The following SLC6A5 variants were observed in gnomAD, a reference collection of about 807,000 sequenced individuals.
The protein encoded by SLC6A5 is solute carrier family 6 member 5, also known as sodium- and chloride-dependent glycine transporter 2.
A neutral mutation model predicts 90.5 loss-of-function variants in SLC6A5; 58 were observed. The ratio of observed to expected loss-of-function variants is 0.64; its 90% CI spans 0.52 to 0.80. The LOEUF (loss-of-function observed/expected upper bound fraction) is 0.80. Ranked by LOEUF, SLC6A5 falls within the 30% of genes least tolerant of loss-of-function variation. The pLI, the probability that SLC6A5 is intolerant of heterozygous loss-of-function variation, is 0.00. For missense variants in SLC6A5, 1,015 were observed against 1,017.6 expected (o/e 1.00, Z 0.03); for synonymous variants, 427 against 401.4 (o/e 1.06, Z -0.76).
chr11:20,649,895 A>G (rs1216994232), intron 14 of SLC6A5, among the ~76,000 whole-genome samples: 1 of 152,232 alleles, frequency 6.6e-6, no homozygotes, highest in Admixed American at 6.5e-5. Flanking sequence ...AGGGGCCTAG[A>G]GTAGACATCT....
At chr11:20,600,805 A>T (rs556324923) in intron 1 of SLC6A5, among the ~76,000 whole-genome samples, 1 of 152,290 alleles carries the variant, frequency 6.6e-6, no homozygotes, top group African/African-American at 2.4e-5. Context: ...TGTGATGTGG[A>T]ATCCAAAGAG....
chr11:20,608,743 G>C (rs1852630282), intron 5 of SLC6A5, among the ~76,000 whole-genome samples: 2 of 152,058 alleles, frequency 1.3e-5, no homozygotes, highest in South Asian at 4.1e-4. Flanking sequence ...TCGGCTCTTA[G>C]TGCTGCCCTC....
chr11:20,612,085 GA>G (rs933112192), intron 5 of SLC6A5, among the ~76,000 whole-genome samples: 2 of 152,192 alleles, frequency 1.3e-5, no homozygotes, highest in Admixed American at 6.5e-5. Flanking sequence ...TTGGTCTAAA[GA>G]ACTACTGAAA....
At chr11:20,643,211 T>G (rs1390895610) in intron 13 of SLC6A5, among the ~76,000 whole-genome samples, 2 of 150,142 alleles carry the variant, frequency 1.3e-5, no homozygotes, top group Non-Finnish European at 3.0e-5. Flanking sequence ...AATAGAAATT[T>G]CTAGAATCTC....
chr11:20,652,346 T>C lies in SLC6A5; in HGVS notation c.2128T>C (p.Tyr710His), dbSNP rs757209577. ...WEPMTYGSYR[Y>H]PNWSMVLGWL... ...GCCCATGACCTATGGCTCTTACCGC[T>C]ATCCTAACTGGTCCATGGTGCTCGG... is the stretch of plus-strand genomic sequence containing the variant. The change falls in exon 15 of 16, where the codon TAT (tyrosine) becomes CAT (histidine). Residue 710 changes from tyrosine to histidine, a missense_variant. Tyr to His is a moderately conservative substitution (Grantham distance 83, BLOSUM62 2). Around this residue, in one of 3 missense-constraint regions of SLC6A5, gnomAD observed 442 missense variants for 494.3 expected, o/e 0.89. Transcript: ENST00000525748. The C allele has an allele frequency of 3.7e-6, 6 of 1,614,032 alleles. No individual in the cohort carries two copies. In the Admixed American group the frequency reaches 1.0e-4, roughly 27 times the overall value.
Position 20,637,230 on chromosome 11 carries a change from G to A in SLC6A5, c.1796G>A (p.Arg599His), listed in dbSNP as rs138885115. Residue 599 changes from arginine (R) to histidine (H), a missense_variant, in exon 12 of 16, where the codon CGC becomes CAC. Arg to His is a conservative substitution (Grantham distance 29). Around this residue, in one of 3 missense-constraint regions of SLC6A5, gnomAD observed 442 missense variants for 494.3 expected, o/e 0.89. Coordinates refer to ENST00000525748, the MANE Select transcript of SLC6A5 (RefSeq NM_004211.5). ...SISDEFPKYLRTHKPVFTLGC... is the reference protein window; with the variant it reads ...SISDEFPKYLHTHKPVFTLGC... ...TCAGACGAGTTTCCCAAGTACCTAC[G>A]CACACACAAGCCAGTGTTTACTCTG... is the stretch of plus-strand genomic sequence containing the variant. The A allele has an allele frequency of 1.7e-5, 28 of 1,613,308 alleles. No individual in the cohort carries two copies. Among genetic ancestry groups the A allele is most frequent in the Middle Eastern group, 1.7e-4 (1 of 6,060 alleles).
chr11:20,616,712 G>A (rs750151898), intron 6 of SLC6A5, among the ~76,000 whole-genome samples: 3 of 152,192 alleles, frequency 2.0e-5, no homozygotes, highest in Non-Finnish European at 4.4e-5. Flanking sequence ...TTGTGCCAGG[G>A]TTTGGGCCTG....
chr11:20,602,281 A>G (rs959123401), intron 2 of SLC6A5, among the ~76,000 whole-genome samples: 2 of 151,996 alleles, frequency 1.3e-5, no homozygotes, highest in African/African-American at 4.8e-5. Context: ...TTTTTCCCTA[A>G]AGTAACCTCC....
chr11:20,628,011 T>C lies in SLC6A5; in HGVS notation c.1427T>C (p.Phe476Ser). The change falls in exon 9 of 16, where the codon TTC becomes TCC. Residue 476 changes from phenylalanine (F) to serine (S), a missense_variant. Transcript: ENST00000525748. ...AAAGATGCTGCCACTCAGATTTTCT[T>C]CTCTTTATCTGCTGCATGGGGAGGC... Reference protein sequence around the residue: ...VWKDAATQIFFSLSAAWGGLI... With the variant: ...VWKDAATQIFSSLSAAWGGLI... 1 of 1,614,142 alleles carries C rather than the reference T, an allele frequency of 6.2e-7. No individual in the cohort carries two copies. Among genetic ancestry groups the C allele is most frequent in the Non-Finnish European group, 8.5e-7 (1 of 1,180,012 alleles).
At chr11:20,653,991 A>AT (rs1239568053) in intron 15 of SLC6A5, among the ~76,000 whole-genome samples, 3 of 152,210 alleles carry the variant, frequency 2.0e-5, no homozygotes, top group African/African-American at 7.2e-5. Context: ...TAAACATATA[A>AT]TTGTTCCCTC....
chr11:20,652,224 T>C (rs1853547278), intron 14 of SLC6A5, 65 bp from the exon 15 acceptor site: 6 of 1,441,682 alleles, frequency 4.2e-6, no homozygotes, highest in Non-Finnish European at 5.9e-6. Context: ...GGGGGTTTAA[T>C]AGTGTTGAGT....
intron 7 of SLC6A5, 47 bp from the exon 8 acceptor site, chr11:20,626,661 C>CT (rs1360708720): frequency 6.2e-7 from 1 of 1,610,392 alleles, no homozygotes; most frequent in South Asian, 1.1e-5. Context: ...CACAGGTGCA[C>CT]TCTGCAGGGC....
intron 5 of SLC6A5, among the ~76,000 whole-genome samples, chr11:20,608,513 C>T (rs903137508): frequency 1.1e-4 from 17 of 152,292 alleles, no homozygotes; most frequent in African/African-American, 3.6e-4. Flanking sequence ...CTCTACCTAC[C>T]TTGTGGGGAT....
intron 5 of SLC6A5, among the ~76,000 whole-genome samples, chr11:20,612,018 C>T (rs1852703425): frequency 6.6e-6 from 1 of 152,126 alleles, no homozygotes; most frequent in African/African-American, 2.4e-5. Flanking sequence ...GGGCAATGGA[C>T]CTATTGCGGT....
intron 13 of SLC6A5, among the ~76,000 whole-genome samples, chr11:20,645,635 GTTT>G (rs150652189): frequency 0.015 from 1,401 of 94,678 alleles, 27 homozygotes; most frequent in East Asian, 0.12. Flanking sequence ...ATGATGAAGT[GTTT>G]TTTTTTTTTT....
At chr11:20,634,477 G>A (rs562959224) in intron 10 of SLC6A5, among the ~76,000 whole-genome samples, 1 of 152,300 alleles carries the variant, frequency 6.6e-6, no homozygotes, top group South Asian at 2.1e-4. Context: ...AGCCCAAAGG[G>A]TAGAATCCTG....
Position 20,638,498 on chromosome 11 carries a change from G to A in SLC6A5, c.1909G>A (p.Ala637Thr). ...GTTTCAGCTTGTGGACACCTATGCT[G>A]CCTCCTATGCCCTTGTCATCATTGC... ...YMFQLVDTYA[A>T]SYALVIIAIF... The change falls in exon 13 of 16, where the codon GCC (alanine) becomes ACC (threonine). Residue 637 changes from alanine (A) to threonine (T), a missense_variant. Ala to Thr is a moderately conservative substitution (Grantham distance 58). Around this residue, in one of 3 missense-constraint regions of SLC6A5, gnomAD observed 442 missense variants for 494.3 expected, o/e 0.89. Transcript: ENST00000525748. The A allele has an allele frequency of 6.2e-7, 1 of 1,613,450 alleles. No homozygotes were observed. The highest frequency in any genetic ancestry group is 8.5e-7 in the Non-Finnish European group (1 of 1,179,440).
chr11:20,609,043 A>G (rs1161739196), intron 5 of SLC6A5, among the ~76,000 whole-genome samples: 1 of 151,762 alleles, frequency 6.6e-6, no homozygotes, highest in Admixed American at 6.6e-5. Flanking sequence ...TGGAGGCACA[A>G]GAGACACAGA....
At chr11:20,650,022 G>A (rs7111667) in intron 14 of SLC6A5, among the ~76,000 whole-genome samples, 127,293 of 152,188 alleles carry the variant, frequency 0.84, 53,762 homozygotes, top group East Asian at 0.99. Context: ...TGGGCTTTGC[G>A]GCAGTAATAC....
Sources: gnomAD v4.1 joint callset for allele counts (sites outside exome capture counted in the v4.1 genomes callset) on GRCh38, gnomAD v4.1.1 for gene constraint, gnomAD v4.1.1 regional missense constraint, MANE v1.5 for transcripts, NCBI Gene and HGNC (gene_info 2026-07-23, HGNC 2026-07-21) for gene names.